KHDRBS3: variants seen among roughly 807,000 people sequenced by gnomAD.
KHDRBS3 encodes KH RNA binding domain containing, signal transduction associated 3.
KHDRBS3 carries 23 observed loss-of-function variants against 45.6 expected under a neutral mutation model. That is an observed-to-expected ratio of 0.50 (90% CI 0.36 to 0.72). The LOEUF (loss-of-function observed/expected upper bound fraction) is 0.72. Among genes scored for constraint, KHDRBS3 ranks in the 30% least tolerant of loss-of-function variants. KHDRBS3 has a pLI of 0.00. For missense variants in KHDRBS3, 352 were observed against 424.8 expected (o/e 0.83, Z 1.51); for synonymous variants, 162 against 156.5 (o/e 1.04, Z -0.26).
chr8:135,536,249 T>G (rs1342297617), intron 2 of KHDRBS3, among the ~76,000 whole-genome samples: 2 of 113,106 alleles, frequency 1.8e-5, no homozygotes, highest in Non-Finnish European at 3.3e-5. Context: ...TTTTTTTTTT[T>G]TTTTTTTTTT....
chr8:135,638,516 C>T (rs1430055469), intron 7 of KHDRBS3, among the ~76,000 whole-genome samples: 1 of 152,154 alleles, frequency 6.6e-6, no homozygotes, highest in Admixed American at 6.5e-5. Flanking sequence ...TCATACTCAA[C>T]AAACTGGAAA....
At chr8:135,569,375 A>G (rs113470227) in intron 5 of KHDRBS3, among the ~76,000 whole-genome samples, 6 of 152,172 alleles carry the variant, frequency 3.9e-5, no homozygotes, top group Non-Finnish European at 8.8e-5. Context: ...ATTGGCTGCT[A>G]TAAAATTACT....
At position 135,457,927 on chromosome 8, in the gene KHDRBS3, A is replaced by G. The variant is rs758752425; in HGVS notation, c.61A>G (p.Thr21Ala). ...AEKDSLDPSF[T>A]HALRLVNQEI... ...GAAGGACTCCCTGGACCCCTCCTTC[A>G]CGCACGCCCTGCGCCTGGTGAACCA... Residue 21 changes from threonine to alanine, a missense_variant, in exon 1 of 9, where the codon ACG becomes GCG. Around this residue, in one of 6 missense-constraint regions of KHDRBS3, gnomAD observed 58 missense variants for 64.5 expected, o/e 0.90. Coordinates refer to ENST00000355849, the MANE Select transcript of KHDRBS3 (RefSeq NM_006558.3). The surrounding 1 kb of genome is among the most constrained non-coding windows in gnomAD (Gnocchi z 4.4). 1.9e-6 allele frequency: 3 copies of G among 1,602,238 alleles called. No homozygotes were observed. The highest frequency in any genetic ancestry group is 2.6e-6 in the Non-Finnish European group (3 of 1,175,240).
At chr8:135,582,369 A>C (rs1293426966) in intron 6 of KHDRBS3, among the ~76,000 whole-genome samples, 1 of 152,194 alleles carries the variant, frequency 6.6e-6, no homozygotes, top group Non-Finnish European at 1.5e-5. Context: ...CAGGAATTTA[A>C]TGTAACATTC....
At chr8:135,512,748 A>T (rs748978779) in intron 1 of KHDRBS3, among the ~76,000 whole-genome samples, 17 of 152,230 alleles carry the variant, frequency 1.1e-4, no homozygotes, top group Non-Finnish European at 2.4e-4. Context: ...GAATAAATAG[A>T]TGTTCTTAAC....
chr8:135,458,996 G>T (rs988959088), intron 1 of KHDRBS3: 2 of 455,862 alleles, frequency 4.4e-6, no homozygotes, highest in African/African-American at 4.0e-5. Flanking sequence ...GGTGCCACTG[G>T]TCTGTCTTTT....
intron 4 of KHDRBS3, among the ~76,000 whole-genome samples, chr8:135,653,347 G>A (rs753311879): frequency 3.9e-5 from 6 of 152,262 alleles, no homozygotes; most frequent in Middle Eastern, 6.8e-3. Flanking sequence ...AGTGAGGAAC[G>A]AATGAGTGAA....
chr8:135,463,884 T>A (rs1357728882), intron 1 of KHDRBS3, among the ~76,000 whole-genome samples: 1 of 152,180 alleles, frequency 6.6e-6, no homozygotes, highest in African/African-American at 2.4e-5. Flanking sequence ...TCCTTGGCGT[T>A]GGGGATGATG....
chr8:135,576,841 A>G (rs1036500744), intron 5 of KHDRBS3, among the ~76,000 whole-genome samples: 1 of 152,232 alleles, frequency 6.6e-6, no homozygotes, highest in Non-Finnish European at 1.5e-5. Flanking sequence ...ACACATATTT[A>G]TGCATATTTA....
At chr8:135,561,193 C>A (rs142818353) in intron 5 of KHDRBS3, among the ~76,000 whole-genome samples, 126 of 152,278 alleles carry the variant, frequency 8.3e-4, no homozygotes, top group African/African-American at 2.8e-3. Flanking sequence ...TCACTTGTTT[C>A]TTCTGTCTCG....
At chr8:135,589,722 T>C (rs1486638844) in intron 6 of KHDRBS3, among the ~76,000 whole-genome samples, 1 of 152,218 alleles carries the variant, frequency 6.6e-6, no homozygotes, top group East Asian at 1.9e-4. Context: ...CTTTAGGGAA[T>C]GAACTATGTC....
At chr8:135,652,336 T>C (rs755399929), downstream of KHDRBS3, among the ~76,000 whole-genome samples, 12 of 152,218 alleles carry the variant, frequency 7.9e-5, no homozygotes, top group African/African-American at 1.2e-4. Context: ...ATTTCAGTGA[T>C]TAGCATCCAT....
chr8:135,610,592 G>A (rs962659154), intron 7 of KHDRBS3, among the ~76,000 whole-genome samples: 5 of 151,872 alleles, frequency 3.3e-5, no homozygotes, highest in African/African-American at 1.2e-4. Context: ...TTAAAACAAT[G>A]TAATATTCTA....
chr8:135,624,067 C>T (rs1246933947), intron 7 of KHDRBS3, among the ~76,000 whole-genome samples: 1 of 152,178 alleles, frequency 6.6e-6, no homozygotes, highest in African/African-American at 2.4e-5. Flanking sequence ...TGCATTTTAT[C>T]TCCAAAGAAA....
chr8:135,559,681 C>G (rs1439404091), intron 5 of KHDRBS3, among the ~76,000 whole-genome samples: 1 of 151,974 alleles, frequency 6.6e-6, no homozygotes, highest in Non-Finnish European at 1.5e-5. Context: ...ATTTTAAAAA[C>G]TCTTCTGAAA....
intron 7 of KHDRBS3, among the ~76,000 whole-genome samples, chr8:135,628,207 C>G (rs940920527): frequency 1.3e-5 from 2 of 152,094 alleles, no homozygotes; most frequent in African/African-American, 4.8e-5. Flanking sequence ...TTCTCGGTAT[C>G]ATCATGTTCC....
chr8:135,564,834 A>G (rs1563772058), intron 5 of KHDRBS3, among the ~76,000 whole-genome samples: 1 of 152,098 alleles, frequency 6.6e-6, no homozygotes, highest in Non-Finnish European at 1.5e-5. Flanking sequence ...TTTGTTCATT[A>G]GCAGGATCTT....
chr8:135,510,565 G>T (rs1824229005), intron 1 of KHDRBS3, among the ~76,000 whole-genome samples: 1 of 152,156 alleles, frequency 6.6e-6, no homozygotes. Context: ...CTCCTGAGTA[G>T]CTGGGACTAT....
At chr8:135,624,326 A>G (rs1434212116) in intron 7 of KHDRBS3, among the ~76,000 whole-genome samples, 2 of 152,248 alleles carry the variant, frequency 1.3e-5, no homozygotes, top group Non-Finnish European at 2.9e-5. Flanking sequence ...TAAACCTAAA[A>G]GACAGTAAAA....
Sources: allele counts gnomAD v4.1 joint callset (sites outside exome capture counted in the v4.1 genomes callset), GRCh38; gene constraint gnomAD v4.1.1; regional missense constraint gnomAD v4.1.1; non-coding constraint Gnocchi (gnomAD v3.1); transcripts MANE v1.5; gene names NCBI Gene and HGNC (gene_info 2026-07-23, HGNC 2026-07-21).